The following NRG3 variants were observed in gnomAD, a reference collection of about 807,000 sequenced individuals.
NRG3 encodes the protein neuregulin 3.
Under a neutral mutation model 66.9 loss-of-function variants are expected in NRG3, and 31 were observed. That is an observed-to-expected ratio of 0.46 (90% CI 0.35 to 0.63). The LOEUF (loss-of-function observed/expected upper bound fraction) is 0.63. NRG3 is among the 20% of genes least tolerant of loss of function. NRG3 has a pLI of 0.00. For missense variants in NRG3, 910 were observed against 878.9 expected (o/e 1.04, Z -0.45); for synonymous variants, 393 against 359.4 (o/e 1.09, Z -1.06).
At chr10:82,911,545 T>C (rs1167254168) in intron 4 of NRG3, among the ~76,000 whole-genome samples, 2 of 151,878 alleles carry the variant, frequency 1.3e-5, no homozygotes, top group Admixed American at 6.5e-5. Flanking sequence ...TTGTTCATAA[T>C]ATTTATTATA....
chr10:82,918,601 G>T (rs185328514), intron 4 of NRG3, among the ~76,000 whole-genome samples: 45 of 152,242 alleles, frequency 3.0e-4, no homozygotes, highest in Non-Finnish European at 6.0e-4. Flanking sequence ...TTGATTAATG[G>T]ATATGACCAT....
chr10:82,220,070 A>G (rs953959415), intron 1 of NRG3, among the ~76,000 whole-genome samples: 4 of 152,042 alleles, frequency 2.6e-5, no homozygotes, highest in Non-Finnish European at 5.9e-5. Flanking sequence ...AAAATAGACA[A>G]CAAAACAACA....
In NRG3 at chr10:82,608,989, C is replaced by T. The variant is rs115774125; in HGVS notation, c.954-129588C>T. ...CAATTACAGTTTAAATGTTCCTACC[C>T]TGATAGCCCTCTTGATTTTAATTTA... On this transcript the variant is annotated intron_variant, in intron 2 of 8. Transcript: ENST00000372141. Among the ~76,000 whole-genome samples, 1,375 of 152,216 alleles carry T rather than the reference C, an allele frequency of 9.0e-3. 29 individuals are homozygous for T. Among genetic ancestry groups the T allele is most frequent in the African/African-American group, 0.032 (1,312 of 41,534 alleles).
At chr10:82,679,662 A>T (rs909138949) in intron 2 of NRG3, among the ~76,000 whole-genome samples, 1 of 152,220 alleles carries the variant, frequency 6.6e-6, no homozygotes, top group Admixed American at 6.5e-5. Flanking sequence ...CTTTCTGATT[A>T]CAGGGCAGTG....
intron 1 of NRG3, among the ~76,000 whole-genome samples, chr10:82,270,633 G>A (rs1411161168): frequency 1.3e-5 from 2 of 151,974 alleles, no homozygotes; most frequent in African/African-American, 4.8e-5. Context: ...ACTTTCCTTT[G>A]CCCTTCCGAA....
intron 2 of NRG3, among the ~76,000 whole-genome samples, chr10:82,626,697 A>G (rs2133680098): frequency 6.6e-6 from 1 of 152,254 alleles, no homozygotes; most frequent in South Asian, 2.1e-4. Flanking sequence ...ACCCTGCAAC[A>G]TACACACAGA....
Position 82,979,085 on chromosome 10 carries a change from A to G in NRG3, c.1548A>G (p.Ser516=), listed in dbSNP as rs1197221506. The G allele has an allele frequency of 6.8e-6, 11 of 1,613,992 alleles. No individual in the cohort carries two copies. The highest frequency in any genetic ancestry group is 9.3e-6 in the Non-Finnish European group (11 of 1,179,988). ...CAGCATATCAGCAACTCGAAGAATC[A>G]AGGATCCCAGACCAGGATACGATAC... ...VGPAYQQLEE[S]RIPDQDTIPC... The change falls in exon 8 of 9, where the codon TCA becomes TCG. Residue 516 remains serine (S), a synonymous_variant. Coordinates refer to ENST00000372141, the MANE Select transcript of NRG3 (RefSeq NM_001010848.4).
At chr10:82,354,653 A>T (rs1239802564) in intron 1 of NRG3, among the ~76,000 whole-genome samples, 1 of 152,024 alleles carries the variant, frequency 6.6e-6, no homozygotes, top group African/African-American at 2.4e-5. Flanking sequence ...TGGCCTCCCA[A>T]ATTGCTATGA....
chr10:82,715,788 A>ATT lies in NRG3; in HGVS notation c.954-22783_954-22782dup, dbSNP rs565263654. Among the ~76,000 whole-genome samples, 299 of 152,190 alleles carry ATT rather than the reference A, an allele frequency of 2.0e-3. 1 individual carries two copies. The highest frequency in any genetic ancestry group is 6.9e-3 in the African/African-American group (286 of 41,536). ...TAGACCAGTGTCTTATAAACAACAG[A>ATT]TTTTTTTCTCACAGTTCTGGAGGCT... On this transcript the variant is annotated intron_variant, in intron 2 of 8. Coordinates refer to ENST00000372141, the MANE Select transcript of NRG3 (RefSeq NM_001010848.4).
chr10:82,149,798 C>T (rs753930602), intron 1 of NRG3, among the ~76,000 whole-genome samples: 1 of 151,716 alleles, frequency 6.6e-6, no homozygotes, highest in Non-Finnish European at 1.5e-5. Context: ...ATGTTTCACA[C>T]ACTGTCTTGG....
intron 2 of NRG3, among the ~76,000 whole-genome samples, chr10:82,402,030 G>T (rs2087140022): frequency 6.6e-6 from 1 of 151,800 alleles, no homozygotes; most frequent in Admixed American, 6.6e-5. Flanking sequence ...ATCAAATTAG[G>T]TTTCTATGAT....
intron 1 of NRG3, among the ~76,000 whole-genome samples, chr10:81,883,644 A>T (rs946485449): frequency 3.9e-5 from 6 of 152,154 alleles, no homozygotes; most frequent in Non-Finnish European, 5.9e-5. Context: ...AGCCAGGGTT[A>T]TGGGAATAGA....
chr10:82,650,323 T>A (rs2051312110), intron 2 of NRG3, among the ~76,000 whole-genome samples: 1 of 152,264 alleles, frequency 6.6e-6, no homozygotes, highest in Non-Finnish European at 1.5e-5. Context: ...CCCTGGGCTA[T>A]GCTTGCAGCT....
At chr10:82,268,427 T>TATA (rs1463098941) in intron 1 of NRG3, among the ~76,000 whole-genome samples, 1 of 152,114 alleles carries the variant, frequency 6.6e-6, no homozygotes, top group African/African-American at 2.4e-5. Flanking sequence ...CCTGATAGAA[T>TATA]CTATGCCACT....
At chr10:82,874,569 A>G (rs1002964723) in intron 4 of NRG3, among the ~76,000 whole-genome samples, 2 of 152,166 alleles carry the variant, frequency 1.3e-5, no homozygotes, top group Admixed American at 1.3e-4. Flanking sequence ...TAGTTTTGCT[A>G]GTGTGCCCTT....
intron 1 of NRG3, among the ~76,000 whole-genome samples, chr10:82,149,811 C>A (rs1399185633): frequency 6.6e-6 from 1 of 151,698 alleles, no homozygotes; most frequent in Non-Finnish European, 1.5e-5. Context: ...TGTCTTGGTG[C>A]AGATATGAGA....
intron 4 of NRG3, among the ~76,000 whole-genome samples, chr10:82,872,853 G>A (rs1490506983): frequency 6.6e-6 from 1 of 152,002 alleles, no homozygotes; most frequent in Non-Finnish European, 1.5e-5. Flanking sequence ...ATGCCATAGT[G>A]CAAATCTATA....
chr10:82,500,340 A>G (rs563086168), intron 2 of NRG3, among the ~76,000 whole-genome samples: 1 of 152,316 alleles, frequency 6.6e-6, no homozygotes, highest in South Asian at 2.1e-4. Context: ...CGTAAAAACC[A>G]GAATTAGCCT....
At chr10:82,550,413 C>T (rs907993030) in intron 2 of NRG3, among the ~76,000 whole-genome samples, 5 of 152,044 alleles carry the variant, frequency 3.3e-5, no homozygotes, top group African/African-American at 7.2e-5. Context: ...CTTACTTCTG[C>T]CCGGCCATTT....
Sources: gnomAD v4.1 joint callset for allele counts (sites outside exome capture counted in the v4.1 genomes callset) on GRCh38, gnomAD v4.1.1 for gene constraint, MANE v1.5 for transcripts, NCBI Gene and HGNC (gene_info 2026-07-23, HGNC 2026-07-21) for gene names.